FHIT: variants seen among roughly 807,000 people sequenced by gnomAD.
The protein encoded by FHIT is fragile histidine triad diadenosine triphosphatase.
A neutral mutation model predicts 17.9 loss-of-function variants in FHIT; 19 were observed. The ratio of observed to expected loss-of-function variants is 1.06; its 90% CI spans 0.74 to 1.56. The LOEUF (loss-of-function observed/expected upper bound fraction) is 1.56. Among genes scored for constraint, FHIT ranks in the 40% most tolerant of loss-of-function variants. FHIT has a pLI of 0.00. For synonymous variants in FHIT, 81 were observed against 69.7 expected (o/e 1.16, Z -0.81); for missense variants, 248 against 189.2 (o/e 1.31, Z -1.82).
chr3:60,255,137 G>A (rs1705923130), intron 5 of FHIT, among the ~76,000 whole-genome samples: 2 of 152,156 alleles, frequency 1.3e-5, no homozygotes, highest in South Asian at 4.1e-4. Context: ...TAAGAATAAA[G>A]TGTCATGAGA....
At chr3:60,067,512 A>G (rs1309758127) in intron 5 of FHIT, among the ~76,000 whole-genome samples, 1 of 152,098 alleles carries the variant, frequency 6.6e-6, no homozygotes, top group East Asian at 1.9e-4. Context: ...TTTCCTCCTT[A>G]CATGATGTAC....
At chr3:60,352,038 A>G (rs1215359412) in intron 5 of FHIT, among the ~76,000 whole-genome samples, 2 of 152,160 alleles carry the variant, frequency 1.3e-5, no homozygotes, top group East Asian at 3.8e-4. Flanking sequence ...TGTCTTATCC[A>G]CTGGAGTAAT....
At chr3:59,766,989 A>C (rs1701827392) in intron 8 of FHIT, among the ~76,000 whole-genome samples, 1 of 152,198 alleles carries the variant, frequency 6.6e-6, no homozygotes, top group Non-Finnish European at 1.5e-5. Context: ...CCAGATGCCA[A>C]AATTAAATTT....
At chr3:61,226,343 G>A (rs968176545) in intron 1 of FHIT, among the ~76,000 whole-genome samples, 8 of 152,144 alleles carry the variant, frequency 5.3e-5, no homozygotes, top group African/African-American at 1.9e-4. Context: ...CAGATGAGTT[G>A]CCCTTCACAA....
chr3:60,872,342 A>G (rs1190080815), intron 3 of FHIT, among the ~76,000 whole-genome samples: 9 of 152,168 alleles, frequency 5.9e-5, no homozygotes, highest in Non-Finnish European at 1.3e-4. Context: ...AGGGCTCTAT[A>G]ATCCTGTAAT....
At chr3:60,978,479 TCTC>T (rs1251932409) in intron 3 of FHIT, among the ~76,000 whole-genome samples, 6 of 152,158 alleles carry the variant, frequency 3.9e-5, no homozygotes, top group Admixed American at 3.9e-4. Flanking sequence ...CTTGACTACT[TCTC>T]CTTTTTTCAG....
At position 60,274,686 on chromosome 3, in the gene FHIT, A is replaced by G. The variant is rs537315042; in HGVS notation, c.104-260534T>C. Among the ~76,000 whole-genome samples, 17 of 152,326 alleles carry G rather than the reference A, an allele frequency of 1.1e-4. No homozygotes were observed. In the South Asian group the frequency reaches 3.3e-3, roughly 30 times the overall value. ...AATTTGAGAAAAAACAAATCTATTA[A>G]AACAGAAGATATAGTCTCTTGGACT... On this transcript the variant is annotated intron_variant, in intron 5 of 9. Coordinates refer to ENST00000492590, the MANE Select transcript of FHIT (RefSeq NM_002012.4).
intron 2 of FHIT, among the ~76,000 whole-genome samples, chr3:61,184,480 A>C (rs1239733424): frequency 6.6e-6 from 1 of 152,160 alleles, no homozygotes; most frequent in Non-Finnish European, 1.5e-5. Flanking sequence ...GCACGGGATC[A>C]AAATTTTTGA....
At chr3:60,537,825 G>A (rs1432395974) in intron 4 of FHIT, among the ~76,000 whole-genome samples, 1 of 152,152 alleles carries the variant, frequency 6.6e-6, no homozygotes, top group Non-Finnish European at 1.5e-5. Flanking sequence ...GAATGACTAA[G>A]AAACACCATC....
At chr3:61,020,141 T>C (rs2032335423) in intron 3 of FHIT, among the ~76,000 whole-genome samples, 1 of 152,332 alleles carries the variant, frequency 6.6e-6, no homozygotes, top group Admixed American at 6.5e-5. Context: ...TGAACTATTT[T>C]ACACTCCCAC....
At chr3:61,045,303 G>A (rs1433359061) in intron 2 of FHIT, among the ~76,000 whole-genome samples, 2 of 151,892 alleles carry the variant, frequency 1.3e-5, no homozygotes, top group Admixed American at 1.3e-4. Flanking sequence ...CCAAGCAAAA[G>A]GAAAACAAAC....
chr3:60,580,210 T>C (rs1373287674), intron 4 of FHIT, among the ~76,000 whole-genome samples: 8 of 152,160 alleles, frequency 5.3e-5, no homozygotes, highest in Non-Finnish European at 1.2e-4. Flanking sequence ...CTACAATTTG[T>C]GTCCTATTCA....
At chr3:60,301,359 C>G (rs1374969334) in intron 5 of FHIT, among the ~76,000 whole-genome samples, 1 of 152,118 alleles carries the variant, frequency 6.6e-6, no homozygotes, top group Admixed American at 6.6e-5. Flanking sequence ...CCATAACTTG[C>G]AAATCTGCAT....
intron 4 of FHIT, among the ~76,000 whole-genome samples, chr3:60,642,299 C>T (rs1577016302): frequency 6.6e-6 from 1 of 152,202 alleles, no homozygotes; most frequent in Non-Finnish European, 1.5e-5. Context: ...GGGTAATTTA[C>T]ACCACACTGG....
rs1049788306 is a variant in FHIT at position 61,126,439 on chromosome 3, G to A, written c.-164+74178C>T. 2.0e-5 allele frequency among the ~76,000 whole-genome samples: 3 copies of A among 152,104 alleles called. No homozygotes were observed. The South Asian group carries it at 6.2e-4, about 31-fold the overall frequency. On this transcript the variant is annotated intron_variant, in intron 2 of 9. Coordinates refer to ENST00000492590, the MANE Select transcript of FHIT (RefSeq NM_002012.4). ...AGGCCTCAGGAAAATTACAGTCATG[G>A]CGGAAGGGGAAGAGGCACATCTTAC...
At chr3:60,948,221 T>C (rs182948562) in intron 3 of FHIT, among the ~76,000 whole-genome samples, 3 of 152,268 alleles carry the variant, frequency 2.0e-5, no homozygotes, top group Admixed American at 2.0e-4. Flanking sequence ...TATATTAACC[T>C]TGCTTCTGAA....
intron 2 of FHIT, among the ~76,000 whole-genome samples, chr3:61,062,802 G>A (rs765376134): frequency 6.6e-6 from 1 of 152,092 alleles, no homozygotes; most frequent in Non-Finnish European, 1.5e-5. Context: ...AATTATTCCA[G>A]GTGATTACTG....
At chr3:60,427,337 C>T (rs961606383) in intron 5 of FHIT, among the ~76,000 whole-genome samples, 5 of 151,976 alleles carry the variant, frequency 3.3e-5, no homozygotes, top group Admixed American at 2.6e-4. Context: ...GGAGACAGCT[C>T]GGAACTGGGT....
intron 7 of FHIT, among the ~76,000 whole-genome samples, chr3:59,928,768 G>A (rs914468742): frequency 1.3e-5 from 2 of 152,092 alleles, no homozygotes; most frequent in African/African-American, 2.4e-5. Context: ...AGGCCAAGGC[G>A]GGTGGATCAC....
Sources: allele counts gnomAD v4.1 joint callset (sites outside exome capture counted in the v4.1 genomes callset), GRCh38; gene constraint gnomAD v4.1.1; transcripts MANE v1.5; gene names NCBI Gene and HGNC (gene_info 2026-07-23, HGNC 2026-07-21).